Variants in EXOC6B observed in about 807,000 individuals in gnomAD.
The protein encoded by EXOC6B is SEC15 homolog B.
EXOC6B carries 54 observed loss-of-function variants against 113.5 expected under a neutral mutation model. That is an observed-to-expected ratio of 0.48 (90% CI 0.38 to 0.60). The LOEUF (loss-of-function observed/expected upper bound fraction) is 0.60. Among genes scored for constraint, EXOC6B ranks in the 20% least tolerant of loss-of-function variants. The pLI, the probability that EXOC6B is intolerant of heterozygous loss-of-function variation, is 0.00. For missense variants in EXOC6B, 797 were observed against 977.5 expected (o/e 0.82, Z 2.46); for synonymous variants, 357 against 339.0 (o/e 1.05, Z -0.58).
intron 17 of EXOC6B, among the ~76,000 whole-genome samples, chr2:72,476,249 A>T (rs1228449219): frequency 2.0e-5 from 3 of 152,180 alleles, no homozygotes; most frequent in Non-Finnish European, 4.4e-5. Context: ...TCCTCGTATT[A>T]AGGAGTCTCC....
intron 20 of EXOC6B, among the ~76,000 whole-genome samples, chr2:72,243,316 C>T (rs551995611): frequency 1.4e-4 from 21 of 152,240 alleles, no homozygotes; most frequent in African/African-American, 4.8e-4. Context: ...TGGCACTATA[C>T]ACAATAGCAA....
At chr2:72,700,401 C>G (rs927644968) in intron 6 of EXOC6B, among the ~76,000 whole-genome samples, 1 of 152,172 alleles carries the variant, frequency 6.6e-6, no homozygotes, top group African/African-American at 2.4e-5. Context: ...TAGAGACAAT[C>G]TTCTTACTAA....
intron 20 of EXOC6B, among the ~76,000 whole-genome samples, chr2:72,260,261 T>A (rs1279652905): frequency 2.0e-5 from 3 of 152,170 alleles, no homozygotes; most frequent in Non-Finnish European, 4.4e-5. Context: ...CCAAGGGGGA[T>A]GCTATGGTCC....
chr2:72,427,547 G>A lies in EXOC6B; in HGVS notation c.1980+37613C>T, dbSNP rs753612305. Among the ~76,000 whole-genome samples the A allele has an allele frequency of 2.2e-3, 342 of 152,308 alleles. 4 individuals carry two copies. Among genetic ancestry groups the A allele is most frequent in the Non-Finnish European group, 2.6e-3 (177 of 68,022 alleles). On this transcript the variant is annotated intron_variant, in intron 18 of 21. Transcript: ENST00000272427. ...ACATGTTCGGGAGCAGCACTGACAC[G>A]CCAGCCCCCTGCTGCCTTGGCCCCC...
chr2:72,331,706 G>T (rs1688424508), intron 20 of EXOC6B, among the ~76,000 whole-genome samples: 1 of 152,030 alleles, frequency 6.6e-6, no homozygotes, highest in African/African-American at 2.4e-5. Flanking sequence ...TTAATAGTAG[G>T]TTTTCCAAAC....
At chr2:72,238,479 G>A (rs1221800598) in intron 20 of EXOC6B, among the ~76,000 whole-genome samples, 1 of 152,204 alleles carries the variant, frequency 6.6e-6, no homozygotes, top group Non-Finnish European at 1.5e-5. Flanking sequence ...GGAACTGCCA[G>A]ACTGTTTTCT....
chr2:72,608,089 T>A (rs1670857380), intron 6 of EXOC6B, among the ~76,000 whole-genome samples: 1 of 152,110 alleles, frequency 6.6e-6, no homozygotes, highest in Admixed American at 6.5e-5. Flanking sequence ...GAATAGACAC[T>A]GCTAATAAAT....
At chr2:72,318,454 T>G (rs907876448) in intron 20 of EXOC6B, among the ~76,000 whole-genome samples, 2 of 151,884 alleles carry the variant, frequency 1.3e-5, no homozygotes, top group Admixed American at 1.3e-4. Context: ...AGTGCAATGG[T>G]GCGATCTCGG....
chr2:72,733,025 T>C (rs894982915), intron 3 of EXOC6B, 46 bp downstream of exon 3: 2 of 1,300,888 alleles, frequency 1.5e-6, no homozygotes, highest in African/African-American at 2.9e-5. Flanking sequence ...TAAAAGAGAG[T>C]GGCATGAAAC....
chr2:72,515,301 G>A (rs1398333401), intron 8 of EXOC6B, 175 bp from the exon 9 acceptor site: 3 of 856,222 alleles, frequency 3.5e-6, no homozygotes, highest in Non-Finnish European at 5.2e-6. Context: ...ACCATGTATT[G>A]AACCTTAGTT....
intron 8 of EXOC6B, among the ~76,000 whole-genome samples, chr2:72,533,917 T>C (rs1202970949): frequency 2.0e-5 from 3 of 152,200 alleles, no homozygotes; most frequent in Non-Finnish European, 4.4e-5. Context: ...CGAATATGAC[T>C]CATAAGAACA....
chr2:72,401,176 T>C (rs1265746913), intron 18 of EXOC6B, among the ~76,000 whole-genome samples: 4 of 151,468 alleles, frequency 2.6e-5, no homozygotes, highest in African/African-American at 7.3e-5. Context: ...AAATGTTATA[T>C]ATGGCCAGGC....
intron 8 of EXOC6B, among the ~76,000 whole-genome samples, chr2:72,517,346 A>G (rs539776770): frequency 2.0e-5 from 3 of 152,332 alleles, no homozygotes; most frequent in African/African-American, 7.2e-5. Flanking sequence ...AACAGGCAAC[A>G]GGCTGGATTT....
Position 72,334,978 on chromosome 2 carries a change from G to T in EXOC6B, c.2165C>A (p.Thr722Lys). ...CAAGTCGATGAAGGCCAACTGCAGC[G>T]TGTCCTCCTGGAACCCAGGCACCGG... is the stretch of plus-strand genomic sequence containing the variant. ...SGPVPGFQED[T>K]LQLAFIDLRQ... Residue 722 changes from threonine to lysine, a missense_variant, in exon 20 of 22, where the codon ACG (threonine) becomes AAG (lysine). Physicochemically the swap from Thr to Lys is moderately conservative, Grantham distance 78. Transcript: ENST00000272427. 6.2e-7 allele frequency: 1 copy of T among 1,613,358 alleles called. No homozygotes were observed. The highest frequency in any genetic ancestry group is 8.5e-7 in the Non-Finnish European group (1 of 1,179,514).
At chr2:72,718,463 A>G (rs1314314287) in intron 5 of EXOC6B, among the ~76,000 whole-genome samples, 156 bp from the exon 6 acceptor site, 1 of 152,262 alleles carries the variant, frequency 6.6e-6, no homozygotes, top group African/African-American at 2.4e-5. Flanking sequence ...ATTAAAAACT[A>G]ATACATACTT....
At chr2:72,822,855 T>C (rs1412299079) in intron 1 of EXOC6B, among the ~76,000 whole-genome samples, 1 of 152,082 alleles carries the variant, frequency 6.6e-6, no homozygotes, top group Non-Finnish European at 1.5e-5. Context: ...GGTTTACAAC[T>C]GAGAGTAGTT....
At chr2:72,657,799 G>C (rs181323773) in intron 6 of EXOC6B, among the ~76,000 whole-genome samples, 5 of 150,880 alleles carry the variant, frequency 3.3e-5, no homozygotes, top group African/African-American at 9.7e-5. Flanking sequence ...ATACATATTA[G>C]CTATTATTAT....
chr2:72,292,474 T>C (rs1210808268), intron 20 of EXOC6B, among the ~76,000 whole-genome samples: 1 of 151,370 alleles, frequency 6.6e-6, no homozygotes, highest in Non-Finnish European at 1.5e-5. Flanking sequence ...TGATGGTTGG[T>C]ACAGTGCTAG....
intron 5 of EXOC6B, among the ~76,000 whole-genome samples, chr2:72,720,281 CA>C (rs1456733520): frequency 6.6e-6 from 1 of 151,846 alleles, no homozygotes; most frequent in African/African-American, 2.4e-5. Flanking sequence ...AAAATCCAAC[CA>C]TATCAATAAT....
Sources: gnomAD v4.1 joint callset for allele counts (sites outside exome capture counted in the v4.1 genomes callset) on GRCh38, gnomAD v4.1.1 for gene constraint, MANE v1.5 for transcripts, NCBI Gene and HGNC (gene_info 2026-07-23, HGNC 2026-07-21) for gene names.